Variants in PTPRG observed in about 807,000 individuals in gnomAD.
The protein encoded by PTPRG is receptor-type tyrosine-protein phosphatase gamma.
Under a neutral mutation model 165.3 loss-of-function variants are expected in PTPRG, and 102 were observed. The ratio of observed to expected loss-of-function variants is 0.62; its 90% confidence interval spans 0.53 to 0.73. The LOEUF is 0.73. Ranked by LOEUF, PTPRG falls within the 30% of genes least tolerant of loss-of-function variation. The pLI, the probability that PTPRG is intolerant of heterozygous loss-of-function variation, is 0.00. For synonymous variants in PTPRG, 675 were observed against 669.5 expected, an observed-to-expected ratio of 1.01 and a Z score of -0.13; for missense variants, 1,866 against 1,861.4, an observed-to-expected ratio of 1.00 and a Z score of -0.05.
intron 2 of PTPRG, among the ~76,000 whole-genome samples, chr3:61,835,574 C>T (rs1040856907): frequency 2.6e-5 from 4 of 151,922 alleles, no homozygotes; most frequent in Non-Finnish European, 5.9e-5. Context: ...CCTTGTGATC[C>T]AGCCACCTCA....
rs116093319 is a variant in PTPRG, at chr3:62,125,486, A to T, written c.616-7116A>T. Among the ~76,000 whole-genome samples the T allele has an allele frequency of 1.0e-2, 1,517 of 152,308 alleles. 23 individuals carry two copies. Among genetic ancestry groups the T allele is most frequent in the African/African-American group, 0.034 (1,431 of 41,568 alleles). ...TGTTTTGGTTGAAGTCACTTGCTACATGTGAAAACAGTCGGCTCTGCCTTC... is the reference window on the plus strand; with the variant it reads ...TGTTTTGGTTGAAGTCACTTGCTACTTGTGAAAACAGTCGGCTCTGCCTTC... On this transcript the variant is annotated intron_variant, in intron 5 of 29. Coordinates refer to ENST00000474889, the MANE Select transcript of PTPRG (RefSeq NM_002841.4).
chr3:61,971,011 C>A (rs1013856340), intron 2 of PTPRG, among the ~76,000 whole-genome samples: 6 of 152,060 alleles, frequency 3.9e-5, no homozygotes, highest in Admixed American at 3.9e-4. Context: ...ATTGATGCCC[C>A]AGTGTGGTTT....
intron 2 of PTPRG, among the ~76,000 whole-genome samples, chr3:61,824,955 T>C (rs1168476705): frequency 2.0e-5 from 3 of 152,220 alleles, no homozygotes; most frequent in Non-Finnish European, 4.4e-5. Flanking sequence ...ATGTGTTCCT[T>C]GACATTCAGT....
chr3:62,022,917 C>G (rs545192668), intron 4 of PTPRG, among the ~76,000 whole-genome samples: 2 of 151,992 alleles, frequency 1.3e-5, no homozygotes, highest in South Asian at 4.2e-4. Flanking sequence ...TCATCTGAAG[C>G]CTTTTATTTT....
Position 62,286,202 on chromosome 3 carries a change from A to G in PTPRG, c.4055+3333A>G, listed in dbSNP as rs148502954. On this transcript the variant is annotated intron_variant, in intron 28 of 29. Transcript: ENST00000474889. Reference sequence around the variant, plus strand: ...GACACAAGGCATATGGACTGTTTTCAATAGCAAAGGCTGCAAAGACACCCA... The same window carrying G: ...GACACAAGGCATATGGACTGTTTTCGATAGCAAAGGCTGCAAAGACACCCA... Among the ~76,000 whole-genome samples, 279 of 152,288 alleles carry G rather than the reference A, an allele frequency of 1.8e-3. 1 individual carries two copies. Among genetic ancestry groups the G allele is most frequent in the African/African-American group, 6.5e-3 (271 of 41,576 alleles).
chr3:61,794,157 T>C (rs1213866184), intron 2 of PTPRG, among the ~76,000 whole-genome samples: 3 of 152,174 alleles, frequency 2.0e-5, no homozygotes, highest in Non-Finnish European at 4.4e-5. Context: ...GTCTTTCCCA[T>C]TACTTTCCTT....
intron 2 of PTPRG, among the ~76,000 whole-genome samples, chr3:61,772,528 A>G (rs1015855475): frequency 6.6e-6 from 1 of 152,228 alleles, no homozygotes; most frequent in East Asian, 1.9e-4. Context: ...CTTTCCCCCA[A>G]GCCTACTTTC....
intron 1 of PTPRG, among the ~76,000 whole-genome samples, chr3:61,708,748 C>T (rs141973883): frequency 2.6e-5 from 4 of 152,198 alleles, no homozygotes; most frequent in Middle Eastern, 3.4e-3. Context: ...TGAGCCACCG[C>T]GCCTGGCTTT....
chr3:62,203,823 G>A lies in PTPRG; in HGVS notation c.2028G>A (p.Val676=), dbSNP rs1430188274. 7.4e-6 allele frequency: 12 copies of A among 1,613,954 alleles called. No homozygotes were observed. Among genetic ancestry groups the A allele is most frequent in the Non-Finnish European group, 1.0e-5 (12 of 1,179,990 alleles). The change falls in exon 12 of 30, where the codon GTG becomes GTA. Residue 676 remains valine, a synonymous_variant. Coordinates refer to ENST00000474889, the MANE Select transcript of PTPRG (RefSeq NM_002841.4). This position sits in a 1 kb window ranked among gnomAD's most constrained non-coding sequence, Gnocchi z 6.4. The part of the protein sequence containing the change: ...LDPDMVTSTQ[V]PPTATEEQYA... ...CCGACATGGTCACCTCCACCCAAGT[G>A]CCCCCCACCGCCACAGAGGAGCAGT...
chr3:62,234,483 G>C (rs574296295), intron 14 of PTPRG, among the ~76,000 whole-genome samples: 1 of 151,996 alleles, frequency 6.6e-6, no homozygotes, highest in African/African-American at 2.4e-5. Context: ...AGCCAACCCA[G>C]CACACTGCAT....
chr3:62,042,249 C>T (rs913105497), intron 4 of PTPRG, among the ~76,000 whole-genome samples: 1 of 152,112 alleles, frequency 6.6e-6, no homozygotes, highest in Non-Finnish European at 1.5e-5. Context: ...CCAGCCTTGC[C>T]CTGGCCTGTC....
chr3:61,725,410 T>G (rs2032216020), intron 1 of PTPRG, among the ~76,000 whole-genome samples: 1 of 152,122 alleles, frequency 6.6e-6, no homozygotes, highest in African/African-American at 2.4e-5. Flanking sequence ...TTTTATTTTT[T>G]AAATTTTTTG....
At chr3:61,812,300 A>G (rs1471281184) in intron 2 of PTPRG, among the ~76,000 whole-genome samples, 3 of 151,284 alleles carry the variant, frequency 2.0e-5, no homozygotes, top group Non-Finnish European at 1.5e-5. Flanking sequence ...TCATTCATTC[A>G]TTCATTCATT....
At position 61,853,410 on chromosome 3, in the gene PTPRG, T is replaced by G. The variant is rs547193368; in HGVS notation, c.190+104428T>G. Among the ~76,000 whole-genome samples, 4 of 152,316 alleles carry G rather than the reference T, an allele frequency of 2.6e-5. No individual in the cohort carries two copies. The South Asian group carries it at 8.3e-4, about 32-fold the overall frequency. ...GCCTTTGGGCTTACTATTGATTGTTTCCTTTGGAACAAGCTCACTCCAATA... is the reference window on the plus strand; with the variant it reads ...GCCTTTGGGCTTACTATTGATTGTTGCCTTTGGAACAAGCTCACTCCAATA... On this transcript the variant is annotated intron_variant, in intron 2 of 29. Transcript: ENST00000474889.
chr3:61,787,609 C>A (rs189242198), intron 2 of PTPRG, among the ~76,000 whole-genome samples: 67 of 152,276 alleles, frequency 4.4e-4, no homozygotes, highest in Middle Eastern at 6.8e-3. Flanking sequence ...TCTGGGAAGC[C>A]CATAAATGCT....
At chr3:62,265,103 C>T (rs1369651213) in intron 17 of PTPRG, among the ~76,000 whole-genome samples, 1 of 152,094 alleles carries the variant, frequency 6.6e-6, no homozygotes, top group Non-Finnish European at 1.5e-5. Flanking sequence ...GGAGAAATGT[C>T]TAATCAGATC....
rs1348525832 is a variant in PTPRG, at chr3:61,936,978, ACAGGTATCTTG to A, written c.191-52645_191-52635del. 3.3e-5 allele frequency among the ~76,000 whole-genome samples: 5 copies of A among 152,312 alleles called. No homozygotes were observed. The South Asian group carries it at 1.0e-3, about 32-fold the overall frequency. On this transcript the variant is annotated intron_variant, in intron 2 of 29. Coordinates refer to ENST00000474889, the MANE Select transcript of PTPRG (RefSeq NM_002841.4). ...CACAGCAGAAATGCTTTTAATCCCC[ACAGGTATCTTG>A]CGAATCAGATGACCAGGCAGAGGAG...
intron 1 of PTPRG, among the ~76,000 whole-genome samples, chr3:61,611,110 C>T (rs1701154817): frequency 6.6e-6 from 1 of 152,186 alleles, no homozygotes; most frequent in African/African-American, 2.4e-5. Context: ...TGTATTCTTT[C>T]TTTTTCTAAA....
At chr3:62,285,650 T>C (rs1338642978) in intron 28 of PTPRG, among the ~76,000 whole-genome samples, 1 of 152,014 alleles carries the variant, frequency 6.6e-6, no homozygotes, top group African/African-American at 2.4e-5. Flanking sequence ...AAAGACAAAC[T>C]GCTTCATTCT....
Sources: allele counts gnomAD v4.1 joint callset (sites outside exome capture counted in the v4.1 genomes callset), GRCh38; gene constraint gnomAD v4.1.1; non-coding constraint Gnocchi (gnomAD v3.1); transcripts MANE v1.5; gene names NCBI Gene and HGNC (gene_info 2026-07-23, HGNC 2026-07-21).